The following MYLK3 variants were observed in gnomAD, a reference collection of about 807,000 sequenced individuals.
MYLK3 encodes myosin light chain kinase 3.
MYLK3 carries 55 observed loss-of-function variants against 76.3 expected under a neutral mutation model. The observed-to-expected ratio is 0.72, with a 90% CI of 0.58 to 0.90. MYLK3 has a LOEUF of 0.90. Ranked by LOEUF, MYLK3 falls within the 40% of genes least tolerant of loss-of-function variation. The probability of loss-of-function intolerance (pLI) is 0.00; values close to 1 mark genes in which losing one functional copy is unlikely to be tolerated. For missense variants in MYLK3, 973 were observed against 1,053.6 expected, an observed-to-expected ratio of 0.92 and a Z score of 1.06; for synonymous variants, 416 against 425.4, an observed-to-expected ratio of 0.98 and a Z score of 0.27.
rs1966585667 is a variant in MYLK3 at position 46,702,603 on chromosome 16, G to A, written c.*5101C>T. On this transcript the variant is annotated 3_prime_UTR_variant, in exon 13 of 13. Transcript: ENST00000394809. ...CAACACAAGGTTCACACTTGACATTGAGTTGTGAATTTTTAATTATAAATG... is the reference window on the plus strand; with the variant it reads ...CAACACAAGGTTCACACTTGACATTAAGTTGTGAATTTTTAATTATAAATG... 6.6e-6 allele frequency among the ~76,000 whole-genome samples: 1 copy of A among 152,164 alleles called. No homozygotes were observed. The highest frequency in any genetic ancestry group is 1.5e-5 in the Non-Finnish European group (1 of 68,030).
chr16:46,741,856 G>C (rs147253451), intron 1 of MYLK3, among the ~76,000 whole-genome samples: 1 of 150,578 alleles, frequency 6.6e-6, no homozygotes, highest in Admixed American at 6.6e-5. Flanking sequence ...CTGCAGCCTC[G>C]ACCTTCCAGG....
Position 46,747,999 on chromosome 16 carries a change from G to A in MYLK3, c.195C>T (p.His65=). ...RDMGHLERGL[H]RLEASRAPGP... ...CCGGTGCCCGGGAGGCCTCCAGCCT[G>A]TGCAGGCCCCGCTCCAGGTGGCCCA... Residue 65 remains histidine (H), a synonymous_variant, in exon 1 of 13, where the codon CAC becomes CAT. Transcript: ENST00000394809. The A allele has an allele frequency of 3.7e-6, 6 of 1,613,680 alleles. No homozygotes were observed. The East Asian group carries it at 1.3e-4, about 36-fold the overall frequency.
chr16:46,748,221 G>T lies in MYLK3; in HGVS notation c.-28C>A, dbSNP rs1479688475. 1 of 1,594,628 alleles carries T rather than the reference G, an allele frequency of 6.3e-7. No individual in the cohort carries two copies. The highest frequency in any genetic ancestry group is 1.3e-5 in the African/African-American group (1 of 74,646). On this transcript the variant is annotated 5_prime_UTR_variant, in exon 1 of 13. Transcript: ENST00000394809. The surrounding 1 kb of genome is among the most constrained non-coding windows in gnomAD (Gnocchi z 4.3). ...TGGTGCAGGCTTGACAAGGGCAAGA[G>T]CGGGGAATGAGGAGAGGCACAGACC...
intron 5 of MYLK3, among the ~76,000 whole-genome samples, chr16:46,730,314 C>T (rs972793969): frequency 7.9e-5 from 12 of 152,196 alleles, no homozygotes; most frequent in Non-Finnish European, 1.3e-4. Flanking sequence ...CCGGCCACCT[C>T]CAGGCTGTGC....
Position 46,727,466 on chromosome 16 carries a change from C to A in MYLK3, c.1773-89G>T. 4 of 1,408,382 alleles carry A rather than the reference C, an allele frequency of 2.8e-6. No homozygotes were observed. The Admixed American group carries it at 9.4e-5, about 33-fold the overall frequency. 87.2% of individuals were successfully genotyped at this position (1,408,382 alleles called of 1,614,324 possible). On this transcript the variant is annotated intron_variant, in intron 7 of 12. Coordinates refer to ENST00000394809, the MANE Select transcript of MYLK3 (RefSeq NM_182493.3). Reference sequence around the variant, plus strand: ...TCATTATAGGGCCAAAAGAGGCCAGCCCGGGTAGGCCCACCATCACACCCC... The same window carrying A: ...TCATTATAGGGCCAAAAGAGGCCAGACCGGGTAGGCCCACCATCACACCCC...
At chr16:46,723,427 C>T (rs1253827253) in intron 8 of MYLK3, among the ~76,000 whole-genome samples, 1 of 152,084 alleles carries the variant, frequency 6.6e-6, no homozygotes, top group Non-Finnish European at 1.5e-5. Flanking sequence ...ACACTTTTGG[C>T]TATTATAAGT....
chr16:46,739,087 C>T (rs1465550458), intron 2 of MYLK3, among the ~76,000 whole-genome samples: 1 of 152,020 alleles, frequency 6.6e-6, no homozygotes, highest in Non-Finnish European at 1.5e-5. Context: ...CTGATCTGCC[C>T]ACCTCAGCCT....
At chr16:46,715,652 C>T (rs1966729072) in intron 9 of MYLK3, among the ~76,000 whole-genome samples, 1 of 152,124 alleles carries the variant, frequency 6.6e-6, no homozygotes, top group Non-Finnish European at 1.5e-5. Flanking sequence ...TGTCTCCAGC[C>T]TTAACCCTGG....
chr16:46,724,291 GA>G (rs1432280713), intron 8 of MYLK3, among the ~76,000 whole-genome samples: 1 of 151,732 alleles, frequency 6.6e-6, no homozygotes, highest in Non-Finnish European at 1.5e-5. Flanking sequence ...TGAAGTATGA[GA>G]TTTTTTTCAT....
rs554191748 is a variant in MYLK3, at chr16:46,710,810, C to A, written c.2115-21G>T. The A allele has an allele frequency of 4.5e-5, 72 of 1,613,670 alleles. No homozygotes were observed. The South Asian group carries it at 7.0e-4, about 16-fold the overall frequency. ...TGAGTCTATAGAAGAGAGAAAGGAC[C>A]ATCAGTAGGTGGAGGCCACATTTGC... On this transcript the variant is annotated intron_variant, in intron 10 of 12. Transcript: ENST00000394809.
chr16:46,734,076 C>T (rs1433628315), intron 3 of MYLK3, among the ~76,000 whole-genome samples: 1 of 152,120 alleles, frequency 6.6e-6, no homozygotes. Context: ...CCAGAGAATC[C>T]AAAGCAGGGT....
At chr16:46,733,573 C>A (rs987307716) in intron 3 of MYLK3, among the ~76,000 whole-genome samples, 1 of 152,106 alleles carries the variant, frequency 6.6e-6, no homozygotes, top group Non-Finnish European at 1.5e-5. Flanking sequence ...GGTTTGTGAG[C>A]CCAGATGGAG....
At chr16:46,731,191 G>A (rs577554755) in intron 4 of MYLK3, among the ~76,000 whole-genome samples, 86 of 152,364 alleles carry the variant, frequency 5.6e-4, no homozygotes, top group African/African-American at 1.9e-3. Flanking sequence ...CCAACCAGAA[G>A]CTCAGCATGA....
chr16:46,740,948 TA>T (rs1966921695), intron 1 of MYLK3, among the ~76,000 whole-genome samples: 1 of 152,126 alleles, frequency 6.6e-6, no homozygotes, highest in Admixed American at 6.6e-5. Flanking sequence ...AATCCATGCT[TA>T]GGGGGAAACA....
intron 9 of MYLK3, among the ~76,000 whole-genome samples, chr16:46,713,356 T>C (rs890099961): frequency 6.6e-6 from 1 of 151,872 alleles, no homozygotes; most frequent in East Asian, 1.9e-4. Flanking sequence ...CGCCACTACA[T>C]CTGACTAATT....
chr16:46,702,789 G>A lies in MYLK3; in HGVS notation c.*4915C>T, dbSNP rs373843016. 2.6e-5 allele frequency among the ~76,000 whole-genome samples: 4 copies of A among 152,006 alleles called. No homozygotes were observed. Among genetic ancestry groups the A allele is most frequent in the African/African-American group, 4.8e-5 (2 of 41,402 alleles). On this transcript the variant is annotated 3_prime_UTR_variant, in exon 13 of 13. Transcript: ENST00000394809. ...ACAAAAATTAGCTGGGCGTGGTGGC[G>A]CATGCCTGTAGTCCCAGCTACTTGG... is the stretch of plus-strand genomic sequence containing the variant.
At position 46,747,966 on chromosome 16, in the gene MYLK3, G is replaced by T; in HGVS notation, c.228C>A (p.Gly76=). Residue 76 remains glycine, a synonymous_variant, in exon 1 of 13, where the codon GGC becomes GGA. Transcript: ENST00000394809. ...CAATGTGGGGAACCCCATCAGCCCC[G>T]CCCGGGCCCGGTGCCCGGGAGGCCT... The part of the protein sequence containing the change: ...RLEASRAPGP[G]GADGVPHIDT... The T allele has an allele frequency of 6.2e-7, 1 of 1,612,900 alleles. No homozygotes were observed. Among genetic ancestry groups the T allele is most frequent in the South Asian group, 1.1e-5 (1 of 91,042 alleles).
chr16:46,726,803 G>A (rs166161), intron 8 of MYLK3: 1 of 151,596 alleles, frequency 6.6e-6, no homozygotes, highest in Non-Finnish European at 1.5e-5. Context: ...AGAATGCATC[G>A]TAGGATCTCC....
chr16:46,730,380 C>T (rs1040974899), intron 5 of MYLK3, among the ~76,000 whole-genome samples: 4 of 152,154 alleles, frequency 2.6e-5, no homozygotes, highest in African/African-American at 4.8e-5. Context: ...CCCGATGCCA[C>T]GTGGGCTCTC....
Sources: gnomAD v4.1 joint callset for allele counts (sites outside exome capture counted in the v4.1 genomes callset) on GRCh38, gnomAD v4.1.1 for gene constraint, Gnocchi (gnomAD v3.1) non-coding constraint, MANE v1.5 for transcripts, NCBI Gene and HGNC (gene_info 2026-07-23, HGNC 2026-07-21) for gene names.